Variants in PIEZO1 observed in about 807,000 individuals in gnomAD.
PIEZO1 encodes piezo-type mechanosensitive ion channel component 1.
A neutral mutation model predicts 297.2 loss-of-function variants in PIEZO1; 296 were observed. The observed-to-expected ratio is 1.00, with a 90% confidence interval of 0.91 to 1.10. PIEZO1 has a LOEUF of 1.10. Ranked by LOEUF, PIEZO1 falls within the 50% of genes least tolerant of loss-of-function variation. PIEZO1 has a pLI of 0.00. For synonymous variants in PIEZO1, 2,427 were observed against 1,507.5 expected (o/e 1.61, Z -14.13); for missense variants, 5,018 against 3,455.5 (o/e 1.45, Z -11.34).
chr16:88,730,310 G>A (rs957543023), intron 22 of PIEZO1, among the ~76,000 whole-genome samples: 9 of 152,204 alleles, frequency 5.9e-5, no homozygotes, highest in African/African-American at 2.2e-4. Flanking sequence ...AACAAGACGG[G>A]GCCGGGCGTG....
chr16:88,753,188 G>A (rs1205692436), intron 1 of PIEZO1, among the ~76,000 whole-genome samples: 1 of 98,664 alleles, frequency 1.0e-5, no homozygotes, highest in East Asian at 3.2e-4. Context: ...TCCATCCCCA[G>A]AGCACACCCC....
chr16:88,726,596 C>A lies in PIEZO1; in HGVS notation c.3747G>T (p.Trp1249Cys). The change falls in exon 26 of 51, where the codon TGG (tryptophan) becomes TGT (cysteine). Residue 1249 changes from tryptophan to cysteine, a missense_variant. By Grantham distance (215) the Trp-to-Cys change is radical. Coordinates refer to ENST00000301015, the MANE Select transcript of PIEZO1 (RefSeq NM_001142864.4). ...FVEQMQTGFC[W>C]VIQLFSLVCT... ...ATACAAGGCTGAAGAGCTGGATGAC[C>A]CAGCAGAAGCCGGTCTGCATCTGCT... 15 of 1,548,210 alleles carry A rather than the reference C, an allele frequency of 9.7e-6. No individual in the cohort carries two copies. Among genetic ancestry groups the A allele is most frequent in the Non-Finnish European group, 1.3e-5 (15 of 1,145,548 alleles).
At position 88,736,652 on chromosome 16, in the gene PIEZO1, A is replaced by G. The variant is rs1905237663; in HGVS notation, c.1283T>C (p.Leu428Pro). ...ACAGCCGCCTACCATCATGGCAATG[A>G]GCGCGCACACATAGCTCTGGTCCAT... ...LIMDQSYVCA[L>P]IAMMVWSITY... The change falls in exon 11 of 51, where the codon CTC becomes CCC. Residue 428 changes from leucine (L) to proline (P), a missense_variant. Coordinates refer to ENST00000301015, the MANE Select transcript of PIEZO1 (RefSeq NM_001142864.4). 1 of 1,530,998 alleles carries G rather than the reference A, an allele frequency of 6.5e-7. No homozygotes were observed. The highest frequency in any genetic ancestry group is 2.5e-5 in the East Asian group (1 of 40,772). 94.8% of individuals were successfully genotyped at this position (1,530,998 alleles called of 1,614,324 possible). A position where few individuals can be genotyped will look rare whatever the true frequency, so the allele number is the denominator to read the frequency against.
intron 2 of PIEZO1, chr16:88,745,272 G>A (rs1010689590): frequency 2.0e-5 from 3 of 152,216 alleles, no homozygotes; most frequent in Admixed American, 2.0e-4. Flanking sequence ...CTGGGAAAGG[G>A]AGTGAGAGGA....
chr16:88,742,322 C>T lies in PIEZO1; in HGVS notation c.261G>A (p.Leu87=). ...LQICLHIVPR[L]DQLLGPSCSR... ...CACAGCTGGGTCCCAGGAGCTGGTC[C>T]AGGCGGGGCACAATATGCAGGCAGA... Residue 87 remains leucine (L), a synonymous_variant, in exon 3 of 51, where the codon CTG becomes CTA. Coordinates refer to ENST00000301015, the MANE Select transcript of PIEZO1 (RefSeq NM_001142864.4). 1 of 1,534,582 alleles carries T rather than the reference C, an allele frequency of 6.5e-7. No individual in the cohort carries two copies. The highest frequency in any genetic ancestry group is 1.2e-5 in the South Asian group (1 of 83,982).
At chr16:88,760,475 C>T (rs545279789) in intron 1 of PIEZO1, among the ~76,000 whole-genome samples, 1 of 152,268 alleles carries the variant, frequency 6.6e-6, no homozygotes, top group Non-Finnish European at 1.5e-5. Context: ...CATGGGAGAA[C>T]CCCAGGCCCT....
At chr16:88,743,485 G>A (rs9933845) in intron 2 of PIEZO1, 224,632 of 450,472 alleles carry the variant, frequency 0.5, 57,669 homozygotes, top group Middle Eastern at 0.6. Flanking sequence ...TGGAGCTCAG[G>A]GACAGGTAGC....
intron 31 of PIEZO1, 26 bp from the exon 32 acceptor site, chr16:88,723,354 C>T: frequency 2.6e-6 from 4 of 1,535,670 alleles, no homozygotes; most frequent in Non-Finnish European, 3.5e-6. Context: ...CGGGTTAGGA[C>T]CCGGCCTCCC....
chr16:88,722,515 C>A, intron 35 of PIEZO1, 68 bp downstream of exon 35: 1 of 1,432,560 alleles, frequency 7.0e-7, no homozygotes, highest in South Asian at 1.3e-5. Context: ...TGGCGAGGGT[C>A]GGGGATGGCT....
At position 88,740,198 on chromosome 16, in the gene PIEZO1, G is replaced by C. The variant is rs1462148914; in HGVS notation, c.465+1280C>G. On this transcript the variant is annotated intron_variant, in intron 5 of 50. Coordinates refer to ENST00000301015, the MANE Select transcript of PIEZO1 (RefSeq NM_001142864.4). ...GTGTGTTGCCCATATGTGGGAGTGA[G>C]GGTCGCCCGGGGGCCCTGCCAGGCC... 3 of 152,408 alleles carry C rather than the reference G, an allele frequency of 2.0e-5. No homozygotes were observed. The East Asian group carries it at 5.8e-4, about 29-fold the overall frequency. 9.4% of individuals were successfully genotyped at this position (152,408 alleles called of 1,614,324 possible).
intron 2 of PIEZO1, chr16:88,744,295 G>A (rs1011443769): frequency 6.6e-6 from 1 of 152,666 alleles, no homozygotes. Flanking sequence ...TCGCCAGCGG[G>A]GCCCTCTGTG....
chr16:88,723,287 C>G lies in PIEZO1; in HGVS notation c.4377G>C (p.Leu1459=), dbSNP rs1381400216. ...QAWVTNAQAV[L]RRRQQEQEQA... ...GCTCCTGCTCCTGCTGCCGCCGCCTCAGCACCGCCTGGGCGTTGGTCACCC... is the reference window on the plus strand; with the variant it reads ...GCTCCTGCTCCTGCTGCCGCCGCCTGAGCACCGCCTGGGCGTTGGTCACCC... The change falls in exon 32 of 51, where the codon CTG becomes CTC. Residue 1459 remains leucine (L), a synonymous_variant. Coordinates refer to ENST00000301015, the MANE Select transcript of PIEZO1 (RefSeq NM_001142864.4). The G allele has an allele frequency of 6.5e-7, 1 of 1,541,270 alleles. No individual in the cohort carries two copies. Among genetic ancestry groups the G allele is most frequent in the Admixed American group, 2.0e-5 (1 of 51,002 alleles).
chr16:88,762,456 C>T (rs1399020450), intron 1 of PIEZO1, among the ~76,000 whole-genome samples: 1 of 152,118 alleles, frequency 6.6e-6, no homozygotes, highest in African/African-American at 2.4e-5. Context: ...TCCTGCTGCT[C>T]GACAATCCCG....
intron 1 of PIEZO1, among the ~76,000 whole-genome samples, chr16:88,757,329 G>GC (rs1567687608): frequency 7.9e-6 from 1 of 126,862 alleles, no homozygotes; most frequent in African/African-American, 3.7e-5. Context: ...CGGGGGGGTG[G>GC]GGGGTAGTTA....
At chr16:88,757,956 A>G (rs887889391) in intron 1 of PIEZO1, among the ~76,000 whole-genome samples, 1 of 152,086 alleles carries the variant, frequency 6.6e-6, no homozygotes, top group Non-Finnish European at 1.5e-5. Context: ...GTGCCACAGA[A>G]AGGCCTGGCT....
At chr16:88,733,240 T>G (rs1457038899) in intron 19 of PIEZO1, 38 bp downstream of exon 19, 2 of 1,522,482 alleles carry the variant, frequency 1.3e-6, no homozygotes, top group South Asian at 2.4e-5. Context: ...CAGAGTTGCC[T>G]GGAGCTTCCT....
At chr16:88,717,402 G>C (rs563936053) in intron 44 of PIEZO1, 191 bp from the exon 45 acceptor site, 1 of 650,400 alleles carries the variant, frequency 1.5e-6, no homozygotes, top group Non-Finnish European at 2.8e-6. Flanking sequence ...CTCATGTTCA[G>C]GGGTCGTTGA....
At chr16:88,771,227 A>AC (rs958234136) in intron 1 of PIEZO1, among the ~76,000 whole-genome samples, 66 of 151,748 alleles carry the variant, frequency 4.3e-4, no homozygotes, top group African/African-American at 1.4e-3. Context: ...GCACCCAGTG[A>AC]CCCCCCCTTG....
At chr16:88,717,741 T>C in intron 44 of PIEZO1, 1 of 443,546 alleles carries the variant, frequency 2.3e-6, no homozygotes, top group Non-Finnish European at 4.5e-6. Flanking sequence ...CAAATTTTAA[T>C]TGATAAGGTT....
Sources: allele counts gnomAD v4.1 joint callset (sites outside exome capture counted in the v4.1 genomes callset), GRCh38; gene constraint gnomAD v4.1.1; transcripts MANE v1.5; gene names NCBI Gene and HGNC (gene_info 2026-07-23, HGNC 2026-07-21).